Variants in CTNNA3 observed in about 807,000 individuals in gnomAD.
CTNNA3 encodes the protein catenin alpha 3.
A neutral mutation model predicts 95.7 loss-of-function variants in CTNNA3; 76 were observed. The ratio of observed to expected loss-of-function variants is 0.79; its 90% CI spans 0.66 to 0.96. The LOEUF (loss-of-function observed/expected upper bound fraction) is 0.96. Among genes scored for constraint, CTNNA3 ranks in the 40% least tolerant of loss-of-function variants. CTNNA3 has a pLI of 0.00. For synonymous variants in CTNNA3, 431 were observed against 374.4 expected (o/e 1.15, Z -1.74); for missense variants, 1,191 against 1,089.8 (o/e 1.09, Z -1.31).
intron 1 of CTNNA3, among the ~76,000 whole-genome samples, chr10:67,706,462 A>G (rs1237296535): frequency 2.0e-5 from 3 of 152,236 alleles, no homozygotes; most frequent in Non-Finnish European, 4.4e-5. Flanking sequence ...ATAATATTAG[A>G]GGAAAAGTTA....
intron 11 of CTNNA3, among the ~76,000 whole-genome samples, chr10:66,459,076 C>T (rs569642701): frequency 6.6e-6 from 1 of 152,280 alleles, no homozygotes; most frequent in East Asian, 1.9e-4. Context: ...GACAGCAAGA[C>T]CAGCTCCTCA....
In CTNNA3 at chr10:67,013,807, T is replaced by C. The variant is rs192187560; in HGVS notation, c.1047+166510A>G. The stretch of plus-strand genomic sequence containing the variant: ...TCCAAATGTGCACTTCTGATTTGCA[T>C]GAATTTTAAAGTCATTACTGGTGAA... On this transcript the variant is annotated intron_variant, in intron 7 of 17. Coordinates refer to ENST00000433211, the MANE Select transcript of CTNNA3 (RefSeq NM_013266.4). Among the ~76,000 whole-genome samples the C allele has an allele frequency of 2.8e-3, 420 of 152,276 alleles. 1 individual carries two copies. The highest frequency in any genetic ancestry group is 9.3e-3 in the African/African-American group (385 of 41,572).
intron 7 of CTNNA3, among the ~76,000 whole-genome samples, chr10:67,117,748 A>G (rs890125251): frequency 2.0e-5 from 3 of 152,074 alleles, no homozygotes; most frequent in African/African-American, 4.8e-5. Flanking sequence ...GGTTTGAAAA[A>G]AGTTTGATAG....
chr10:67,128,808 C>T (rs1050898519), intron 7 of CTNNA3, among the ~76,000 whole-genome samples: 3 of 151,752 alleles, frequency 2.0e-5, no homozygotes, highest in Non-Finnish European at 4.4e-5. Flanking sequence ...AATCTTAATG[C>T]CTCAAGTATT....
At chr10:66,245,864 A>G (rs1014341924) in intron 13 of CTNNA3, among the ~76,000 whole-genome samples, 2 of 151,986 alleles carry the variant, frequency 1.3e-5, no homozygotes, top group Non-Finnish European at 2.9e-5. Flanking sequence ...GAAGGTAACT[A>G]CTCTCTGCAG....
chr10:66,918,399 A>G (rs1846605224), intron 7 of CTNNA3, among the ~76,000 whole-genome samples: 1 of 152,236 alleles, frequency 6.6e-6, no homozygotes, highest in Admixed American at 6.5e-5. Context: ...TAAGTCCTGT[A>G]TTACTCAAAA....
intron 7 of CTNNA3, among the ~76,000 whole-genome samples, chr10:66,871,284 C>T (rs867079254): frequency 6.6e-6 from 1 of 151,996 alleles, no homozygotes; most frequent in Non-Finnish European, 1.5e-5. Flanking sequence ...TTAGGCTGGG[C>T]GCGGTGGCTC....
chr10:67,369,975 T>G (rs1018980813), intron 5 of CTNNA3, among the ~76,000 whole-genome samples: 1 of 152,282 alleles, frequency 6.6e-6, no homozygotes, highest in Non-Finnish European at 1.5e-5. Context: ...AAATAACACT[T>G]GCATGCCTAT....
chr10:66,766,234 T>C, intron 9 of CTNNA3, 30 bp downstream of exon 9: 2 of 1,607,316 alleles, frequency 1.2e-6, no homozygotes, highest in Non-Finnish European at 1.7e-6. Context: ...TCTCCTGGAC[T>C]TTAGTGAGTT....
At chr10:66,638,839 A>G (rs113471069) in intron 9 of CTNNA3, among the ~76,000 whole-genome samples, 1 of 150,570 alleles carries the variant, frequency 6.6e-6, no homozygotes, top group African/African-American at 2.4e-5. Context: ...TTCCCTTCCC[A>G]CTAGTTATCC....
rs1250747688 is a variant in CTNNA3 at position 67,672,841 on chromosome 10, G to A, written c.-6+23159C>T. ...TGGCTTAGGATTGACTTGGCGATGC[G>A]GGCTCTTTTTTGGTTCCATATGAAC... On this transcript the variant is annotated intron_variant, in intron 1 of 17. Transcript: ENST00000433211. 1.3e-4 allele frequency among the ~76,000 whole-genome samples: 20 copies of A among 152,054 alleles called. No homozygotes were observed. The East Asian group carries it at 1.4e-3, about 10-fold the overall frequency.
intron 7 of CTNNA3, among the ~76,000 whole-genome samples, chr10:67,128,058 ACTC>A (rs908987299): frequency 3.3e-5 from 5 of 151,742 alleles, no homozygotes; most frequent in African/African-American, 7.3e-5. Flanking sequence ...GTCATTCTTG[ACTC>A]CTCCTCTTCA....
At chr10:67,234,565 G>A (rs1393798563) in intron 5 of CTNNA3, among the ~76,000 whole-genome samples, 2 of 152,028 alleles carry the variant, frequency 1.3e-5, no homozygotes, top group Admixed American at 6.5e-5. Flanking sequence ...CATACTGAAT[G>A]GGCAAAAACT....
At chr10:67,480,020 C>T (rs1044141232) in intron 5 of CTNNA3, among the ~76,000 whole-genome samples, 1 of 151,726 alleles carries the variant, frequency 6.6e-6, no homozygotes, top group Non-Finnish European at 1.5e-5. Context: ...AACAACCTAC[C>T]AAGATTGAAT....
At chr10:67,371,307 G>A (rs1564604130) in intron 5 of CTNNA3, among the ~76,000 whole-genome samples, 1 of 151,120 alleles carries the variant, frequency 6.6e-6, no homozygotes, top group Non-Finnish European at 1.5e-5. Flanking sequence ...GTATACATGT[G>A]CCATGTTGGT....
At chr10:67,062,165 T>A (rs1240698277) in intron 7 of CTNNA3, among the ~76,000 whole-genome samples, 2 of 148,286 alleles carry the variant, frequency 1.3e-5, no homozygotes, top group Non-Finnish European at 3.0e-5. Flanking sequence ...GATATTTGTA[T>A]CCCCATTTTA....
intron 7 of CTNNA3, chr10:67,012,494 G>A (rs1434448092): frequency 2.0e-5 from 3 of 152,132 alleles, no homozygotes; most frequent in South Asian, 2.1e-4. Flanking sequence ...TTAGAATGAT[G>A]AAAACCTTTG....
intron 3 of CTNNA3, among the ~76,000 whole-genome samples, chr10:67,557,681 TA>T (rs1360439500): frequency 1.3e-5 from 2 of 152,166 alleles, no homozygotes; most frequent in African/African-American, 4.8e-5. Context: ...CTAACTAATT[TA>T]AAAGGTAAAG....
chr10:67,035,851 A>T (rs1325698317), intron 7 of CTNNA3, among the ~76,000 whole-genome samples: 2 of 152,224 alleles, frequency 1.3e-5, no homozygotes, highest in Non-Finnish European at 2.9e-5. Context: ...GAAACTGTCC[A>T]GTACATTATT....
Sources: allele counts gnomAD v4.1 joint callset (sites outside exome capture counted in the v4.1 genomes callset), GRCh38; gene constraint gnomAD v4.1.1; transcripts MANE v1.5; gene names NCBI Gene and HGNC (gene_info 2026-07-23, HGNC 2026-07-21).